The following SFMBT1 variants were observed in gnomAD, a reference collection of about 807,000 sequenced individuals.
SFMBT1 encodes the protein Scm like with four mbt domains 1, also known as scm-like with four MBT domains protein 1.
In SFMBT1, 32 loss-of-function variants were observed where a neutral mutation model predicts 108.7. The observed-to-expected ratio is 0.29, with a 90% CI of 0.22 to 0.40. The LOEUF is 0.40. Among genes scored for constraint, SFMBT1 ranks in the 10% least tolerant of loss-of-function variants. SFMBT1 has a pLI of 1.00. For missense variants in SFMBT1, 816 were observed against 1,059.6 expected, an observed-to-expected ratio of 0.77 and a Z score of 3.19; for synonymous variants, 348 against 369.5, an observed-to-expected ratio of 0.94 and a Z score of 0.67.
rs545657691 is a variant in SFMBT1 at position 53,005,357 on chromosome 3, C to T, written c.-130-36099G>A. Among the ~76,000 whole-genome samples, 12 of 152,210 alleles carry T rather than the reference C, an allele frequency of 7.9e-5. No individual in the cohort carries two copies. The South Asian group carries it at 2.1e-3, about 26-fold the overall frequency. ...CAGGATCTCACTCTGTCACCCAGGC[C>T]GAAGTGCAGTGGTACAATCATAGCT... On this transcript the variant is annotated intron_variant, in intron 1 of 20. Coordinates refer to ENST00000394752, the MANE Select transcript of SFMBT1 (RefSeq NM_016329.4).
At chr3:53,030,700 A>AT (rs1559556121) in intron 1 of SFMBT1, among the ~76,000 whole-genome samples, 1 of 148,848 alleles carries the variant, frequency 6.7e-6, no homozygotes, top group Non-Finnish European at 1.5e-5. Context: ...AAAAAAAAAA[A>AT]AAAAAATCTA....
At chr3:53,028,560 C>T (rs1028385285) in intron 1 of SFMBT1, among the ~76,000 whole-genome samples, 4 of 152,192 alleles carry the variant, frequency 2.6e-5, no homozygotes, top group Non-Finnish European at 5.9e-5. Flanking sequence ...CTAGTCCCAG[C>T]TACTCGGGAG....
chr3:52,980,120 T>C (rs1342570816), intron 1 of SFMBT1, among the ~76,000 whole-genome samples: 1 of 152,088 alleles, frequency 6.6e-6, no homozygotes, highest in African/African-American at 2.4e-5. Context: ...AAATCTATTA[T>C]TAAAAGTTAA....
At chr3:53,022,449 CA>C (rs34744052) in intron 1 of SFMBT1, among the ~76,000 whole-genome samples, 401 of 40,644 alleles carry the variant, frequency 9.9e-3, no homozygotes, top group African/African-American at 0.013. Flanking sequence ...GGTGCTGTCT[CA>C]AAAAAAAAAA....
chr3:52,937,995 AATAAC>A (rs1314488214), intron 4 of SFMBT1, among the ~76,000 whole-genome samples: 1 of 152,142 alleles, frequency 6.6e-6, no homozygotes, highest in Non-Finnish European at 1.5e-5. Flanking sequence ...TTTTTCATAC[AATAAC>A]ATATCCTGAG....
chr3:53,024,729 G>A (rs1203497065), intron 1 of SFMBT1, among the ~76,000 whole-genome samples: 1 of 152,116 alleles, frequency 6.6e-6, no homozygotes, highest in Non-Finnish European at 1.5e-5. Flanking sequence ...ACTCCCATCT[G>A]GGCCTTAAAA....
At position 52,962,725 on chromosome 3, in the gene SFMBT1, T is replaced by C. The variant is rs1704003555; in HGVS notation, c.28+6376A>G. On this transcript the variant is annotated intron_variant, in intron 2 of 20. Transcript: ENST00000394752. ...CAGGAGGCTAAGGCATGAGAATCGT[T>C]TGAACCCAGAGGCAGGGGTTGCAGT... Among the ~76,000 whole-genome samples the C allele has an allele frequency of 2.7e-5, 4 of 146,180 alleles. No homozygotes were observed. In the South Asian group the frequency reaches 8.9e-4, roughly 33 times the overall value.
chr3:52,966,422 G>A (rs567455976), intron 2 of SFMBT1, among the ~76,000 whole-genome samples: 4 of 150,674 alleles, frequency 2.7e-5, no homozygotes, highest in African/African-American at 9.8e-5. Context: ...TCAGGAGATC[G>A]AGACCATCCT....
At chr3:52,939,628 G>A (rs111876965) in intron 4 of SFMBT1, among the ~76,000 whole-genome samples, 9 of 152,154 alleles carry the variant, frequency 5.9e-5, no homozygotes, top group African/African-American at 2.2e-4. Context: ...GTATTTTATT[G>A]TTTCATTGCT....
At chr3:53,031,698 T>A (rs1204693867) in intron 1 of SFMBT1, among the ~76,000 whole-genome samples, 1 of 152,116 alleles carries the variant, frequency 6.6e-6, no homozygotes, top group Non-Finnish European at 1.5e-5. Flanking sequence ...ATTTGCCAGG[T>A]GCTCAGTACC....
chr3:52,995,111 T>TA (rs1212299074), intron 1 of SFMBT1, among the ~76,000 whole-genome samples: 2 of 146,682 alleles, frequency 1.4e-5, no homozygotes, highest in South Asian at 2.1e-4. Flanking sequence ...CTTAGTTAAC[T>TA]AAAAAAATAC....
intron 3 of SFMBT1, among the ~76,000 whole-genome samples, chr3:52,945,136 TAAAAAAAAA>T (rs367727549): frequency 1.0e-4 from 5 of 48,512 alleles, no homozygotes; most frequent in Non-Finnish European, 2.3e-4. Context: ...ACCTTCCAAT[TAAAAAAAAA>T]AAAAAACAAG....
chr3:53,006,361 T>A (rs1197739610), intron 1 of SFMBT1, among the ~76,000 whole-genome samples: 3 of 152,128 alleles, frequency 2.0e-5, no homozygotes, highest in African/African-American at 7.2e-5. Flanking sequence ...CCTGGCGCGG[T>A]GGCTCACGCC....
intron 14 of SFMBT1, among the ~76,000 whole-genome samples, chr3:52,915,349 A>G (rs2106770539): frequency 6.6e-6 from 1 of 152,376 alleles, no homozygotes; most frequent in Non-Finnish European, 1.5e-5. Context: ...ATGGCCAGGA[A>G]AGCATCAAAA....
intron 3 of SFMBT1, among the ~76,000 whole-genome samples, chr3:52,945,191 T>C (rs946153855): frequency 1.9e-5 from 2 of 105,970 alleles, no homozygotes; most frequent in Non-Finnish European, 4.1e-5. Flanking sequence ...GATTCTGGGA[T>C]AGGAAAAATA....
intron 4 of SFMBT1, among the ~76,000 whole-genome samples, chr3:52,936,990 CGCCACCATGCTTG>C (rs1559517834): frequency 6.6e-6 from 1 of 151,054 alleles, no homozygotes; most frequent in Admixed American, 6.6e-5. Context: ...TACAGGCGCC[CGCCACCATGCTTG>C]GCTAATTGTT....
At chr3:52,983,536 G>T (rs977571959) in intron 1 of SFMBT1, among the ~76,000 whole-genome samples, 1 of 152,080 alleles carries the variant, frequency 6.6e-6, no homozygotes, top group African/African-American at 2.4e-5. Flanking sequence ...ACAAATGTTA[G>T]GAGAAAAAAA....
intron 1 of SFMBT1, chr3:53,044,864 T>C (rs1175582069): frequency 1.3e-5 from 2 of 152,378 alleles, no homozygotes; most frequent in Non-Finnish European, 2.9e-5. Context: ...GCACAAGCTC[T>C]GGGGGTGACC....
rs543386678 is a variant in SFMBT1 at position 53,018,797 on chromosome 3, C to T, written c.-131+27019G>A. On this transcript the variant is annotated intron_variant, in intron 1 of 20. Coordinates refer to ENST00000394752, the MANE Select transcript of SFMBT1 (RefSeq NM_016329.4). ...CATTCTACACAGTAAACTGCCACTT[C>T]TCAGAGGATTTTCTTCTCTCAGGTA... Among the ~76,000 whole-genome samples, 72 of 152,344 alleles carry T rather than the reference C, an allele frequency of 4.7e-4. 2 individuals are homozygous for T. In the South Asian group the frequency reaches 0.015, roughly 31 times the overall value.
Sources: gnomAD v4.1 joint callset for allele counts (sites outside exome capture counted in the v4.1 genomes callset) on GRCh38, gnomAD v4.1.1 for gene constraint, MANE v1.5 for transcripts, NCBI Gene and HGNC (gene_info 2026-07-23, HGNC 2026-07-21) for gene names.